MRM1: variants seen among roughly 807,000 people sequenced by gnomAD.
The protein encoded by MRM1 is rRNA methyltransferase 1, mitochondrial.
In MRM1, 24 loss-of-function variants were observed where a neutral mutation model predicts 25.0. The observed-to-expected ratio is 0.96, with a 90% confidence interval of 0.69 to 1.35. MRM1 has a LOEUF of 1.35. MRM1 is among the 40% of genes most tolerant of loss of function. MRM1 has a pLI of 0.00. For synonymous variants in MRM1, 188 were observed against 199.2 expected (o/e 0.94, Z 0.47); for missense variants, 431 against 464.1 (o/e 0.93, Z 0.65).
intron 2 of MRM1, among the ~76,000 whole-genome samples, chr17:36,604,509 G>GTTT (rs2074910224): frequency 6.6e-6 from 1 of 152,134 alleles, no homozygotes; most frequent in African/African-American, 2.4e-5. Context: ...TGTTGTTGTT[G>GTTT]TTAAGAGATG....
chr17:36,609,517 T>C (rs1354712986), downstream of MRM1, among the ~76,000 whole-genome samples: 1 of 152,234 alleles, frequency 6.6e-6, no homozygotes, highest in East Asian at 1.9e-4. Context: ...GTAGGATGTT[T>C]AGCAGAATCC....
chr17:36,617,808 G>T, the MRM1 span, among the ~76,000 whole-genome samples: 33 of 152,126 alleles, frequency 2.2e-4, no homozygotes, highest in African/African-American at 7.7e-4. Flanking sequence ...TCTGCCTCTG[G>T]TTTCTGATGA....
the MRM1 span, among the ~76,000 whole-genome samples, chr17:36,625,755 C>T: frequency 6.6e-6 from 1 of 152,086 alleles, no homozygotes; most frequent in Non-Finnish European, 1.5e-5. Flanking sequence ...AGCCACTGCA[C>T]CCGGCCCCTT....
At chr17:36,618,979 T>A in the MRM1 span, among the ~76,000 whole-genome samples, 1 of 152,214 alleles carries the variant, frequency 6.6e-6, no homozygotes, top group Non-Finnish European at 1.5e-5. Flanking sequence ...TATATTCACA[T>A]TGCTGTGCAA....
At chr17:36,606,909 T>C (rs201316745) in intron 2 of MRM1, among the ~76,000 whole-genome samples, 1 of 50,778 alleles carries the variant, frequency 2.0e-5, no homozygotes, top group African/African-American at 1.3e-4. Context: ...CTGCGCCTGG[T>C]TTTTTGTTTT....
chr17:36,606,178 C>G (rs770629038), intron 2 of MRM1, among the ~76,000 whole-genome samples: 7 of 152,188 alleles, frequency 4.6e-5, no homozygotes, highest in Non-Finnish European at 8.8e-5. Context: ...CTGCACGGTG[C>G]TCCTCCTTCT....
In MRM1 at chr17:36,602,469, C is replaced by A; in HGVS notation, c.543-84C>A. On this transcript the variant is annotated intron_variant, in intron 1 of 4. Transcript: ENST00000614766. This position sits in a 1 kb window ranked among gnomAD's most constrained non-coding sequence, Gnocchi z 4.1. ...CTTACCTGTCCCAGAACTCTCATCCCCCTAGCCCTTGGGAGCCCTGGGAGG... is the reference window on the plus strand; with the variant it reads ...CTTACCTGTCCCAGAACTCTCATCCACCTAGCCCTTGGGAGCCCTGGGAGG... 3.1e-6 allele frequency: 5 copies of A among 1,602,326 alleles called. No individual in the cohort carries two copies. Among genetic ancestry groups the A allele is most frequent in the Non-Finnish European group, 4.3e-6 (5 of 1,171,940 alleles).
the MRM1 span, among the ~76,000 whole-genome samples, chr17:36,632,337 T>C: frequency 6.6e-6 from 1 of 152,098 alleles, no homozygotes; most frequent in South Asian, 2.1e-4. Flanking sequence ...CCCGGCCATA[T>C]ACCCATTTCT....
chr17:36,601,717 C>T lies in MRM1; in HGVS notation c.-94C>T. 5.2e-6 allele frequency: 7 copies of T among 1,342,602 alleles called. No homozygotes were observed. Among genetic ancestry groups the T allele is most frequent in the East Asian group, 4.9e-5 (2 of 41,094 alleles). 83.2% of individuals were successfully genotyped at this position (1,342,602 alleles called of 1,614,324 possible). A position where few individuals can be genotyped will look rare whatever the true frequency, so the allele number is the denominator to read the frequency against. Reference sequence around the variant, plus strand: ...GGAGACGGCTGTCGAGTACCCTTCACCTCGGTGTTGGGAGCCTGGGAGCGA... The same window carrying T: ...GGAGACGGCTGTCGAGTACCCTTCATCTCGGTGTTGGGAGCCTGGGAGCGA... On this transcript the variant is annotated 5_prime_UTR_variant, in exon 1 of 5. Transcript: ENST00000614766.
chr17:36,610,070 C>T (rs576582022), downstream of MRM1, among the ~76,000 whole-genome samples: 11 of 151,928 alleles, frequency 7.2e-5, no homozygotes, highest in African/African-American at 2.2e-4. Context: ...GGACTACAGG[C>T]GTGCACCACG....
At chr17:36,611,883 C>T (rs1283923188), downstream of MRM1, among the ~76,000 whole-genome samples, 2 of 152,154 alleles carry the variant, frequency 1.3e-5, no homozygotes, top group Non-Finnish European at 2.9e-5. Context: ...CTGACTCACC[C>T]TGCACGTCTT....
intron 2 of MRM1, 53 bp from the exon 3 acceptor site, chr17:36,607,617 T>G (rs1250859241): frequency 1.9e-6 from 3 of 1,562,092 alleles, no homozygotes; most frequent in South Asian, 1.2e-5. Context: ...TAAGACCCTA[T>G]CTCAAAATTA....
At chr17:36,622,204 C>G in the MRM1 span, among the ~76,000 whole-genome samples, 7 of 152,250 alleles carry the variant, frequency 4.6e-5, no homozygotes, top group Admixed American at 2.6e-4. Context: ...CTCCTGCCCC[C>G]TCCTGTCCCT....
At chr17:36,624,098 C>T in the MRM1 span, among the ~76,000 whole-genome samples, 22 of 152,232 alleles carry the variant, frequency 1.4e-4, no homozygotes, top group East Asian at 2.5e-3. This position sits in a 1 kb window ranked among gnomAD's most constrained non-coding sequence, Gnocchi z 4.0. Context: ...TGGGCACCAC[C>T]GCCAAGTCCA....
the MRM1 span, among the ~76,000 whole-genome samples, chr17:36,629,773 C>T: frequency 6.6e-6 from 1 of 152,188 alleles, no homozygotes; most frequent in African/African-American, 2.4e-5. Flanking sequence ...GCCCGGCACC[C>T]CTCAGCCAGT....
At chr17:36,612,115 A>AC (rs1291171914), downstream of MRM1, among the ~76,000 whole-genome samples, 1 of 151,528 alleles carries the variant, frequency 6.6e-6, no homozygotes, top group African/African-American at 2.4e-5. Context: ...TAGGCACCCC[A>AC]CCCCCCACAG....
At chr17:36,623,283 A>G in the MRM1 span, among the ~76,000 whole-genome samples, 1 of 152,226 alleles carries the variant, frequency 6.6e-6, no homozygotes, top group Non-Finnish European at 1.5e-5. Context: ...AAATCTAAAG[A>G]TAATCTATAT....
At chr17:36,606,414 ATTTT>A (rs35048409) in intron 2 of MRM1, among the ~76,000 whole-genome samples, 1 of 140,556 alleles carries the variant, frequency 7.1e-6, no homozygotes, top group African/African-American at 2.7e-5. Flanking sequence ...CTGATGGATA[ATTTT>A]TTTTTTTTTT....
chr17:36,620,452 C>T, the MRM1 span, among the ~76,000 whole-genome samples: 1 of 152,086 alleles, frequency 6.6e-6, no homozygotes, highest in African/African-American at 2.4e-5. Context: ...AGTGATGACC[C>T]AGAAGGCAGA....
Sources: allele counts gnomAD v4.1 joint callset (sites outside exome capture counted in the v4.1 genomes callset), GRCh38; gene constraint gnomAD v4.1.1; non-coding constraint Gnocchi (gnomAD v3.1); transcripts MANE v1.5; gene names NCBI Gene and HGNC (gene_info 2026-07-23, HGNC 2026-07-21).